The following THSD7B variants were observed in gnomAD, a reference collection of about 807,000 sequenced individuals.
The protein encoded by THSD7B is thrombospondin type 1 domain containing 7B.
In THSD7B, 138 loss-of-function variants were observed where a neutral mutation model predicts 213.6. The ratio of observed to expected loss-of-function variants is 0.65; its 90% CI spans 0.56 to 0.74. The LOEUF is 0.74. THSD7B is among the 30% of genes least tolerant of loss of function. THSD7B has a pLI of 0.00. For synonymous variants in THSD7B, 742 were observed against 687.0 expected (o/e 1.08, Z -1.25); for missense variants, 1,931 against 1,991.5 (o/e 0.97, Z 0.58).
At chr2:137,550,276 A>T (rs1316812722) in intron 15 of THSD7B, among the ~76,000 whole-genome samples, 2 of 151,938 alleles carry the variant, frequency 1.3e-5, no homozygotes, top group African/African-American at 4.8e-5. Context: ...ATTTGTCTGT[A>T]CATGTGTGTT....
intron 7 of THSD7B, among the ~76,000 whole-genome samples, chr2:137,229,875 C>A (rs949403195): frequency 6.6e-6 from 1 of 152,054 alleles, no homozygotes; most frequent in South Asian, 2.1e-4. Context: ...CAGTGCCTGG[C>A]GCAAGGAGAT....
intron 15 of THSD7B, among the ~76,000 whole-genome samples, chr2:137,459,048 T>G (rs953660878): frequency 6.6e-6 from 1 of 152,232 alleles, no homozygotes; most frequent in Middle Eastern, 3.4e-3. Context: ...GTGCAAAAAA[T>G]TTTGAAATCT....
intron 12 of THSD7B, among the ~76,000 whole-genome samples, chr2:137,287,590 AGTG>A (rs1683216376): frequency 6.6e-6 from 1 of 152,158 alleles, no homozygotes; most frequent in African/African-American, 2.4e-5. Context: ...AACCTAAGGC[AGTG>A]ATGCTTTAGT....
chr2:136,830,643 G>A (rs1682738879), intron 1 of THSD7B, among the ~76,000 whole-genome samples: 1 of 151,864 alleles, frequency 6.6e-6, no homozygotes, highest in African/African-American at 2.4e-5. Context: ...TCAGACTTTT[G>A]TTTCCCATTT....
At chr2:137,089,748 A>G (rs1027101235) in intron 3 of THSD7B, among the ~76,000 whole-genome samples, 5 of 152,074 alleles carry the variant, frequency 3.3e-5, no homozygotes, top group Non-Finnish European at 4.4e-5. Flanking sequence ...AATCTCACAC[A>G]TCACCACTAA....
intron 1 of THSD7B, among the ~76,000 whole-genome samples, chr2:136,783,084 A>G (rs1681773427): frequency 6.6e-6 from 1 of 152,166 alleles, no homozygotes; most frequent in South Asian, 2.1e-4. Context: ...CATCTTCTTC[A>G]TTATATTAGA....
chr2:137,626,333 G>GGGC (rs1415749352), intron 20 of THSD7B, among the ~76,000 whole-genome samples: 1 of 151,990 alleles, frequency 6.6e-6, no homozygotes, highest in Non-Finnish European at 1.5e-5. Flanking sequence ...GTGCCGTGGC[G>GGGC]GGCGCCTGTA....
At chr2:137,330,695 T>C (rs1684482057) in intron 12 of THSD7B, among the ~76,000 whole-genome samples, 1 of 151,748 alleles carries the variant, frequency 6.6e-6, no homozygotes, top group East Asian at 1.9e-4. Context: ...TTGAGGTGAG[T>C]GTTACGGCTC....
chr2:137,308,606 AT>A (rs920827011), intron 12 of THSD7B, among the ~76,000 whole-genome samples: 3 of 151,990 alleles, frequency 2.0e-5, no homozygotes, highest in Admixed American at 2.0e-4. Context: ...TGTTTATATA[AT>A]TTTTTTCTGT....
At chr2:136,924,558 A>G (rs971937803) in intron 2 of THSD7B, among the ~76,000 whole-genome samples, 4 of 152,066 alleles carry the variant, frequency 2.6e-5, no homozygotes, top group African/African-American at 9.7e-5. Flanking sequence ...TTTTATGCTA[A>G]TGCTATGCTA....
intron 3 of THSD7B, among the ~76,000 whole-genome samples, chr2:137,094,296 C>A (rs746900307): frequency 2.0e-5 from 3 of 152,226 alleles, no homozygotes; most frequent in Non-Finnish European, 2.9e-5. Context: ...AAGGGCTGGG[C>A]GCGATGGCTC....
intron 7 of THSD7B, among the ~76,000 whole-genome samples, chr2:137,183,755 A>G (rs1363467406): frequency 3.9e-5 from 6 of 152,128 alleles, no homozygotes; most frequent in Non-Finnish European, 8.8e-5. Flanking sequence ...GGACCTAGGT[A>G]TTGATGGATG....
At chr2:137,169,520 G>T (rs1339959232) in intron 6 of THSD7B, among the ~76,000 whole-genome samples, 1 of 152,038 alleles carries the variant, frequency 6.6e-6, no homozygotes, top group Non-Finnish European at 1.5e-5. Flanking sequence ...GGTGGGATAT[G>T]CAGCTTTCAC....
At chr2:137,540,639 G>T (rs1680593182) in intron 15 of THSD7B, among the ~76,000 whole-genome samples, 1 of 151,656 alleles carries the variant, frequency 6.6e-6, no homozygotes, top group Admixed American at 6.6e-5. Context: ...AGCTATCTTT[G>T]TTTGACCTGA....
chr2:137,402,014 G>T (rs1214498050), intron 12 of THSD7B, among the ~76,000 whole-genome samples: 1 of 152,148 alleles, frequency 6.6e-6, no homozygotes, highest in African/African-American at 2.4e-5. Context: ...ATGAGGCATG[G>T]TGAGGAGAAT....
intron 1 of THSD7B, among the ~76,000 whole-genome samples, chr2:136,870,016 G>A (rs1037027349): frequency 6.7e-6 from 1 of 148,594 alleles, no homozygotes; most frequent in African/African-American, 2.5e-5. Flanking sequence ...ATGTTGCAGT[G>A]AGCTGAGATC....
intron 2 of THSD7B, among the ~76,000 whole-genome samples, chr2:136,960,436 G>T (rs1685196328): frequency 6.6e-6 from 1 of 152,150 alleles, no homozygotes; most frequent in Non-Finnish European, 1.5e-5. Flanking sequence ...ACTGTGCTTG[G>T]CCTGGAATGG....
At chr2:136,810,918 C>G (rs1682365074) in intron 1 of THSD7B, among the ~76,000 whole-genome samples, 1 of 152,104 alleles carries the variant, frequency 6.6e-6, no homozygotes, top group African/African-American at 2.4e-5. Flanking sequence ...TTGACTTGTT[C>G]CCTTGCACTG....
chr2:137,580,902 C>A (rs1036039209), intron 17 of THSD7B, among the ~76,000 whole-genome samples: 4 of 152,058 alleles, frequency 2.6e-5, no homozygotes, highest in African/African-American at 9.7e-5. Context: ...AGGGGATGGC[C>A]CAAAATATTC....
Sources: gnomAD v4.1 joint callset for allele counts (sites outside exome capture counted in the v4.1 genomes callset) on GRCh38, gnomAD v4.1.1 for gene constraint, MANE v1.5 for transcripts, NCBI Gene and HGNC (gene_info 2026-07-23, HGNC 2026-07-21) for gene names.